The following LEPR variants were observed in gnomAD, a reference collection of about 807,000 sequenced individuals.
LEPR encodes leptin receptor.
LEPR carries 56 observed loss-of-function variants against 114.7 expected under a neutral mutation model. The observed-to-expected ratio is 0.49, with a 90% CI of 0.39 to 0.61. LEPR has a LOEUF of 0.61. Among genes scored for constraint, LEPR ranks in the 20% least tolerant of loss-of-function variants. The pLI is 0.00. For missense variants in LEPR, 1,202 were observed against 1,352.9 expected (o/e 0.89, Z 1.75); for synonymous variants, 443 against 461.4 (o/e 0.96, Z 0.51).
chr1:65,448,448 TC>T (rs1646739698), intron 2 of LEPR, among the ~76,000 whole-genome samples: 2 of 152,206 alleles, frequency 1.3e-5, no homozygotes, highest in Non-Finnish European at 2.9e-5. Flanking sequence ...GGATTTTGCA[TC>T]CGTGTTCATG....
At chr1:65,509,557 G>GTA (rs1648928176) in intron 2 of LEPR, among the ~76,000 whole-genome samples, 1 of 152,024 alleles carries the variant, frequency 6.6e-6, no homozygotes, top group South Asian at 2.1e-4. Flanking sequence ...AAATTTTACA[G>GTA]TATCTTATGC....
chr1:65,631,519 CT>C (rs144091126), intron 19 of LEPR, among the ~76,000 whole-genome samples: 34,084 of 152,000 alleles, frequency 0.22, 4,165 homozygotes, highest in South Asian at 0.33. Context: ...AAATTACCCA[CT>C]TCTCATTAGC....
chr1:65,436,769 A>C (rs921271689), intron 2 of LEPR, among the ~76,000 whole-genome samples: 5 of 152,246 alleles, frequency 3.3e-5, no homozygotes, highest in Admixed American at 1.3e-4. Flanking sequence ...GTGTTTACAC[A>C]CTTCGGAATG....
intron 14 of LEPR, among the ~76,000 whole-genome samples, chr1:65,611,850 T>A (rs1657189708): frequency 1.3e-5 from 2 of 152,212 alleles, no homozygotes; most frequent in Admixed American, 1.3e-4. Context: ...AATTTTAAAT[T>A]GTATTTAATT....
At chr1:65,551,691 G>A (rs906344601) in intron 2 of LEPR, among the ~76,000 whole-genome samples, 7 of 152,036 alleles carry the variant, frequency 4.6e-5, no homozygotes, top group Non-Finnish European at 7.4e-5. Context: ...AGGGTTTTTC[G>A]TGTCTCTATC....
chr1:65,473,474 C>T (rs544257042), intron 2 of LEPR, among the ~76,000 whole-genome samples: 1 of 152,294 alleles, frequency 6.6e-6, no homozygotes, highest in East Asian at 1.9e-4. Context: ...TAGAAAATGA[C>T]AATCACATAC....
intron 1 of LEPR, among the ~76,000 whole-genome samples, chr1:65,424,115 A>G (rs190643100): frequency 2.2e-4 from 34 of 152,286 alleles, no homozygotes; most frequent in African/African-American, 7.5e-4. Flanking sequence ...AGAGCTCAAG[A>G]TTTTGTAACA....
intron 2 of LEPR, among the ~76,000 whole-genome samples, chr1:65,564,565 C>T (rs1451182613): frequency 2.2e-5 from 2 of 91,796 alleles, no homozygotes; most frequent in African/African-American, 9.0e-5. Context: ...ATTCGGCCAT[C>T]TTGGCTCCTC....
At chr1:65,540,349 G>C (rs561261151) in intron 2 of LEPR, among the ~76,000 whole-genome samples, 2 of 152,268 alleles carry the variant, frequency 1.3e-5, no homozygotes, top group African/African-American at 4.8e-5. Flanking sequence ...CAGTGTTGGT[G>C]GTGGGGCCTG....
Position 65,633,280 on chromosome 1 carries a change from T to C in LEPR, c.2674-2911T>C. On this transcript the variant is annotated intron_variant, in intron 19 of 19. Coordinates refer to ENST00000349533, the MANE Select transcript of LEPR (RefSeq NM_002303.6). The surrounding 1 kb of genome is among the most constrained non-coding windows in gnomAD (Gnocchi z 4.1). ...GAAGGGGAGCAAATCTAAAAAAAAT[T>C]CAGTTGAACTTCTGAGAGTTAACAT... The C allele has an allele frequency of 6.5e-7, 1 of 1,537,438 alleles. No individual in the cohort carries two copies. The highest frequency in any genetic ancestry group is 8.7e-7 in the Non-Finnish European group (1 of 1,146,726).
At chr1:65,482,457 A>G (rs1409454927) in intron 2 of LEPR, among the ~76,000 whole-genome samples, 1 of 152,184 alleles carries the variant, frequency 6.6e-6, no homozygotes, top group Non-Finnish European at 1.5e-5. Flanking sequence ...AGCAAATTTT[A>G]TTATTAAGCT....
intron 2 of LEPR, among the ~76,000 whole-genome samples, chr1:65,511,429 TACACACACACACAC>T (rs5774756): frequency 0.24 from 35,540 of 147,640 alleles, 4,919 homozygotes; most frequent in African/African-American, 0.38. Flanking sequence ...TATATATGTA[TACACACACACACAC>T]ACACACACAC....
chr1:65,611,300 A>G (rs1657148882), intron 14 of LEPR, among the ~76,000 whole-genome samples: 1 of 152,222 alleles, frequency 6.6e-6, no homozygotes. Context: ...TGAACACTTC[A>G]TACAGATCTC....
In LEPR at chr1:65,596,581, A is replaced by G; in HGVS notation, c.837A>G (p.Thr279=). The change falls in exon 7 of 20, where the codon ACA becomes ACG. Residue 279 remains threonine (T), a synonymous_variant. Coordinates refer to ENST00000349533, the MANE Select transcript of LEPR (RefSeq NM_002303.6). ...YQVKYSENST[T]VIREADKIVS... ...TGAAATATTCAGAGAATTCTACAACAGTTATCAGAGAAGTAAGTATATTTT... is the reference window on the plus strand; with the variant it reads ...TGAAATATTCAGAGAATTCTACAACGGTTATCAGAGAAGTAAGTATATTTT... 1 of 1,612,282 alleles carries G rather than the reference A, an allele frequency of 6.2e-7. No homozygotes were observed. Among genetic ancestry groups the G allele is most frequent in the Non-Finnish European group, 8.5e-7 (1 of 1,178,846 alleles).
At chr1:65,513,937 T>C (rs1377891567) in intron 2 of LEPR, among the ~76,000 whole-genome samples, 1 of 152,254 alleles carries the variant, frequency 6.6e-6, no homozygotes, top group East Asian at 1.9e-4. Context: ...TTGTAGTTTT[T>C]CTTACACTGT....
At chr1:65,543,544 A>G (rs1001882021) in intron 2 of LEPR, among the ~76,000 whole-genome samples, 1 of 152,030 alleles carries the variant, frequency 6.6e-6, no homozygotes, top group Non-Finnish European at 1.5e-5. Context: ...GACTTTGCTC[A>G]TGCCTATGCC....
intron 2 of LEPR, among the ~76,000 whole-genome samples, chr1:65,533,822 A>G (rs1362249885): frequency 6.6e-6 from 1 of 152,078 alleles, no homozygotes. Context: ...TTGATTTCTA[A>G]TGTTTCTTTT....
In LEPR at chr1:65,608,752, G is replaced by A; in HGVS notation, c.1604-1G>A. The A allele has an allele frequency of 6.2e-7, 1 of 1,612,742 alleles. No individual in the cohort carries two copies. On this transcript the variant is annotated splice_acceptor_variant, in intron 11 of 19. Transcript: ENST00000349533. LOFTEE classifies it high-confidence loss of function. ...CTTAATACTATTGTAAAAATTTCTA[G>A]TGAAGCCACTGCCTCCATCCAGTGT... is the stretch of plus-strand genomic sequence containing the variant.
intron 2 of LEPR, among the ~76,000 whole-genome samples, chr1:65,446,974 G>C (rs1646721388): frequency 6.6e-6 from 1 of 152,118 alleles, no homozygotes; most frequent in African/African-American, 2.4e-5. Context: ...TGGGACTACA[G>C]GTGCCCACCA....
Sources: gnomAD v4.1 joint callset for allele counts (sites outside exome capture counted in the v4.1 genomes callset) on GRCh38, gnomAD v4.1.1 for gene constraint, Gnocchi (gnomAD v3.1) non-coding constraint, MANE v1.5 for transcripts, NCBI Gene and HGNC (gene_info 2026-07-23, HGNC 2026-07-21) for gene names.